Variants in WDR55 observed in about 807,000 individuals in gnomAD.
The protein encoded by WDR55 is WD repeat domain 55.
Under a neutral mutation model 34.0 loss-of-function variants are expected in WDR55, and 31 were observed. The ratio of observed to expected loss-of-function variants is 0.91; its 90% CI spans 0.69 to 1.23. The LOEUF is 1.23. WDR55 is among the 50% of genes most tolerant of loss of function. WDR55 has a pLI of 0.00. For missense variants in WDR55, 440 were observed against 494.6 expected (o/e 0.89, Z 1.05); for synonymous variants, 164 against 185.9 (o/e 0.88, Z 0.96).
In WDR55 at chr5:140,665,045, G is replaced by A. The variant is rs772345095; in HGVS notation, c.133G>A (p.Ala45Thr). ...IVLEAPASGLAFHPARDLLAA... is the reference protein window; with the variant it reads ...IVLEAPASGLTFHPARDLLAA... ...GCTGGAAGCTCCGGCTAGTGGGCTG[G>A]CGTTCCATCCGGCCCGTGACCTACT... The change falls in exon 1 of 7, where the codon GCG becomes ACG. Residue 45 changes from alanine (A) to threonine (T), a missense_variant. Coordinates refer to ENST00000358337, the MANE Select transcript of WDR55 (RefSeq NM_017706.5). 5 of 1,613,546 alleles carry A rather than the reference G, an allele frequency of 3.1e-6. No individual in the cohort carries two copies. Among genetic ancestry groups the A allele is most frequent in the Non-Finnish European group, 4.2e-6 (5 of 1,179,616 alleles).
At position 140,668,257 on chromosome 5, in the gene WDR55, G is replaced by C; in HGVS notation, c.215G>C (p.Gly72Ala). 6.2e-7 allele frequency: 1 copy of C among 1,611,398 alleles called. No homozygotes were observed. The highest frequency in any genetic ancestry group is 1.7e-4 in the Middle Eastern group (1 of 6,056). ...AGCTTTTCCTACTCTTGCCAAGAGG[G>C]AGAAACCAAGGAGCTCTGGTCATCA... ...VFVFSYSCQE[G>A]ETKELWSSGH... Residue 72 changes from glycine (G) to alanine (A), a missense_variant, in exon 2 of 7, where the codon GGA (glycine) becomes GCA (alanine). By Grantham distance (60) the Gly-to-Ala change is moderately conservative (BLOSUM62 0). Transcript: ENST00000358337.
chr5:140,671,784 A>T lies in WDR55; in HGVS notation c.*2130A>T. ...AAAATGCAAAGACAAGGGCAGGTCT[A>T]AACCCTGGGCCCAAGCCTCCAGGTG... On this transcript the variant is annotated 3_prime_UTR_variant, in exon 7 of 7. Coordinates refer to ENST00000358337, the MANE Select transcript of WDR55 (RefSeq NM_017706.5). 1 of 1,552,522 alleles carries T rather than the reference A, an allele frequency of 6.4e-7. No homozygotes were observed. The highest frequency in any genetic ancestry group is 8.7e-7 in the Non-Finnish European group (1 of 1,147,244).
Position 140,672,063 on chromosome 5 carries a change from A to T in WDR55, c.*2409A>T. The T allele has an allele frequency of 1.8e-6, 1 of 559,308 alleles. No homozygotes were observed. Among genetic ancestry groups the T allele is most frequent in the Non-Finnish European group, 3.2e-6 (1 of 312,176 alleles). 34.6% of individuals were successfully genotyped at this position (559,308 alleles called of 1,614,324 possible). The stretch of plus-strand genomic sequence containing the variant: ...AGTCAGTCAGTGTGCTAAGTACCGT[A>T]CACCCATTATGTTACTTAATTCTCA... On this transcript the variant is annotated 3_prime_UTR_variant, in exon 7 of 7. Coordinates refer to ENST00000358337, the MANE Select transcript of WDR55 (RefSeq NM_017706.5).
rs1172027293 is a variant in WDR55 at position 140,670,200 on chromosome 5, G to A, written c.*546G>A. On this transcript the variant is annotated 3_prime_UTR_variant, in exon 7 of 7. Coordinates refer to ENST00000358337, the MANE Select transcript of WDR55 (RefSeq NM_017706.5). ...CTGCCACCATGCTTGACTAATTTTT[G>A]TGATTTTTTTTTGGTAGAGACCAGG... is the stretch of plus-strand genomic sequence containing the variant. The A allele has an allele frequency of 6.6e-6, 1 of 152,394 alleles. No individual in the cohort carries two copies. Among genetic ancestry groups the A allele is most frequent in the African/African-American group, 2.5e-5 (1 of 40,624 alleles). The allele number at this position is 152,394 out of a possible 1,614,324, so 9.4% of individuals were successfully genotyped here.
At chr5:140,668,002 C>A in intron 1 of WDR55, 1 of 402,020 alleles carries the variant, frequency 2.5e-6, no homozygotes, top group Non-Finnish European at 4.4e-6. Flanking sequence ...GGTGGGATCA[C>A]AAAGAAATCT....
intron 2 of WDR55, 38 bp downstream of exon 2, chr5:140,668,372 G>T: frequency 6.2e-7 from 1 of 1,614,218 alleles, no homozygotes; most frequent in Non-Finnish European, 8.5e-7. Context: ...TGTGGTGGAA[G>T]GGAGCAGTGA....
Position 140,668,519 on chromosome 5 carries a change from A to T in WDR55, c.380+17A>T, listed in dbSNP as rs747161685. 1 of 1,613,598 alleles carries T rather than the reference A, an allele frequency of 6.2e-7. No homozygotes were observed. Among genetic ancestry groups the T allele is most frequent in the Admixed American group, 1.7e-5 (1 of 60,000 alleles). On this transcript the variant is annotated intron_variant, in intron 3 of 6. Coordinates refer to ENST00000358337, the MANE Select transcript of WDR55 (RefSeq NM_017706.5). ...GGCTCATGGGTAAGGAGAGCAGCCA[A>T]TTCTGTGTATGTGCATGGAGGTGAA...
Position 140,671,158 on chromosome 5 carries a change from A to T in WDR55, c.*1504A>T. The T allele has an allele frequency of 8.8e-7, 1 of 1,140,874 alleles. No homozygotes were observed. Among genetic ancestry groups the T allele is most frequent in the East Asian group, 2.5e-5 (1 of 40,454 alleles). The allele number at this position is 1,140,874 out of a possible 1,614,324, so 70.7% of individuals were successfully genotyped here. A position where few individuals can be genotyped will look rare whatever the true frequency, so the allele number is the denominator to read the frequency against. On this transcript the variant is annotated 3_prime_UTR_variant, in exon 7 of 7. Transcript: ENST00000358337. The stretch of plus-strand genomic sequence containing the variant: ...AGGTGCCATAGGTCCCTGTCCCAGC[A>T]GGGAGGCTGATGGGCCTGGGCCCAT...
In WDR55 at chr5:140,671,876, G is replaced by T; in HGVS notation, c.*2222G>T. 1 of 1,099,314 alleles carries T rather than the reference G, an allele frequency of 9.1e-7. No individual in the cohort carries two copies. The highest frequency in any genetic ancestry group is 1.3e-6 in the Non-Finnish European group (1 of 741,728). The allele number at this position is 1,099,314 out of a possible 1,614,324, so 68.1% of individuals were successfully genotyped here. A position where few individuals can be genotyped will look rare whatever the true frequency, so the allele number is the denominator to read the frequency against. On this transcript the variant is annotated 3_prime_UTR_variant, in exon 7 of 7. Coordinates refer to ENST00000358337, the MANE Select transcript of WDR55 (RefSeq NM_017706.5). Reference sequence around the variant, plus strand: ...TCCCATTTCCTGGTAGTGTGACCATGGGTAAGAAAAGACAATGAAGCCTTC... The same window carrying T: ...TCCCATTTCCTGGTAGTGTGACCATTGGTAAGAAAAGACAATGAAGCCTTC...
intron 1 of WDR55, among the ~76,000 whole-genome samples, chr5:140,665,581 G>C (rs902309708): frequency 4.6e-5 from 7 of 151,848 alleles, no homozygotes; most frequent in Non-Finnish European, 8.8e-5. Context: ...GGCTGGTCTT[G>C]AACTCCTGAC....
At chr5:140,668,136 TTAGG>T (rs1757966153) in intron 1 of WDR55, 94 bp from the exon 2 acceptor site, 6 of 1,380,610 alleles carry the variant, frequency 4.3e-6, no homozygotes, top group Non-Finnish European at 5.8e-6. Context: ...GCAGGAACTC[TTAGG>T]TAGGTGGGAA....
rs781567299 is a variant in WDR55 at position 140,669,616 on chromosome 5, C to G, written c.1114C>G (p.Gln372Glu). 3.7e-6 allele frequency: 6 copies of G among 1,613,900 alleles called. No homozygotes were observed. The East Asian group carries it at 1.3e-4, about 36-fold the overall frequency. ...LREEGEDSMA[Q>E]EEKEETGDDS... is the part of the protein sequence containing the mutation. Reference sequence around the variant, plus strand: ...GGAAGAGGGAGAAGACTCCATGGCTCAGGAAGAAAAGGAGGAGACTGGGGA... The same window carrying G: ...GGAAGAGGGAGAAGACTCCATGGCTGAGGAAGAAAAGGAGGAGACTGGGGA... Residue 372 changes from glutamine (Q) to glutamate (E), a missense_variant, in exon 7 of 7, where the codon CAG becomes GAG. By Grantham distance (29) the Gln-to-Glu change is conservative. Coordinates refer to ENST00000358337, the MANE Select transcript of WDR55 (RefSeq NM_017706.5).
In WDR55 at chr5:140,671,356, A is replaced by G. The variant is rs1210829367; in HGVS notation, c.*1702A>G. The G allele has an allele frequency of 6.2e-7, 1 of 1,612,732 alleles. No individual in the cohort carries two copies. The highest frequency in any genetic ancestry group is 1.3e-5 in the African/African-American group (1 of 74,934). ...ACCACAGGAGGTTGGCCCCAGACTC[A>G]CTGAGTGCCTGCAGCAGCCGTACAG... is the stretch of plus-strand genomic sequence containing the variant. On this transcript the variant is annotated 3_prime_UTR_variant, in exon 7 of 7. Coordinates refer to ENST00000358337, the MANE Select transcript of WDR55 (RefSeq NM_017706.5).
Position 140,669,467 on chromosome 5 carries a change from G to A in WDR55, c.965G>A (p.Trp322Ter). 6.2e-7 allele frequency: 1 copy of A among 1,614,122 alleles called. No homozygotes were observed. The highest frequency in any genetic ancestry group is 1.3e-5 in the African/African-American group (1 of 75,052). ...SSGHDQRLKF[W>*]DMAQLRAVVV... ...GGCCATGACCAGCGCCTCAAGTTTT[G>A]GGACATGGCCCAGCTGCGAGCTGTG... is the stretch of plus-strand genomic sequence containing the variant. Residue 322 changes from tryptophan (W) to a stop codon, truncating the protein, a stop_gained, in exon 7 of 7, where the codon TGG becomes TAG. Coordinates refer to ENST00000358337, the MANE Select transcript of WDR55 (RefSeq NM_017706.5). LOFTEE classifies it high-confidence loss of function.
chr5:140,668,607 T>A lies in WDR55; in HGVS notation c.381-5T>A. 6.2e-7 allele frequency: 1 copy of A among 1,603,098 alleles called. No homozygotes were observed. The highest frequency in any genetic ancestry group is 8.5e-7 in the Non-Finnish European group (1 of 1,174,052). On this transcript the variant is annotated splice_polypyrimidine_tract_variant and splice_region_variant and intron_variant, in intron 3 of 6. Transcript: ENST00000358337. ...CTCCAAGAAGTTCTACATCTGTGTCTCTAGTGCCCCCATCAATAGTCTTCT... is the reference window on the plus strand; with the variant it reads ...CTCCAAGAAGTTCTACATCTGTGTCACTAGTGCCCCCATCAATAGTCTTCT...
rs1345635861 is a variant in WDR55, at chr5:140,664,963, G to A, written c.51G>A (p.Glu17=). The A allele has an allele frequency of 6.2e-7, 1 of 1,613,038 alleles. No individual in the cohort carries two copies. The change falls in exon 1 of 7, where the codon GAG becomes GAA. Residue 17 remains glutamate, a synonymous_variant. Coordinates refer to ENST00000358337, the MANE Select transcript of WDR55 (RefSeq NM_017706.5). ...ERPAEDGSDE[E]DPDSMEAPTR... is the part of the protein sequence containing the mutation. ...CCGCTGAGGATGGGAGCGACGAGGA[G>A]GACCCAGACTCCATGGAAGCCCCAA...
Position 140,669,510 on chromosome 5 carries a change from T to C in WDR55, c.1008T>C (p.Arg336=). Residue 336 remains arginine (R), a synonymous_variant, in exon 7 of 7, where the codon CGT becomes CGC. Coordinates refer to ENST00000358337, the MANE Select transcript of WDR55 (RefSeq NM_017706.5). The part of the protein sequence containing the change: ...QLRAVVVDDY[R]RRKKKGGPLR... ...GAGCTGTGGTGGTGGATGACTACCG[T>C]CGGCGCAAAAAAAAGGGAGGACCAC... 1.2e-6 allele frequency: 2 copies of C among 1,613,762 alleles called. No individual in the cohort carries two copies. Among genetic ancestry groups the C allele is most frequent in the South Asian group, 2.2e-5 (2 of 91,074 alleles).
chr5:140,666,846 C>T (rs968744638), intron 1 of WDR55: 66 of 984,862 alleles, frequency 6.7e-5, no homozygotes, highest in Non-Finnish European at 7.4e-5. Flanking sequence ...CGGTTTTGTT[C>T]TCTATTTTAT....
Position 140,669,828 on chromosome 5 carries a change from A to C in WDR55, c.*174A>C, listed in dbSNP as rs1010027062. 4.8e-5 allele frequency: 32 copies of C among 664,184 alleles called. No homozygotes were observed. The highest frequency in any genetic ancestry group is 6.9e-5 in the Non-Finnish European group (27 of 392,250). The allele number at this position is 664,184 out of a possible 1,614,324, so 41.1% of individuals were successfully genotyped here. ...CTGCAGCCTCAATGTCCCCAGGCTC[A>C]GATTGTCCTTCCACCTTAGCCTCTG... is the stretch of plus-strand genomic sequence containing the variant. On this transcript the variant is annotated 3_prime_UTR_variant, in exon 7 of 7. Transcript: ENST00000358337.
Sources: gnomAD v4.1 joint callset for allele counts (sites outside exome capture counted in the v4.1 genomes callset) on GRCh38, gnomAD v4.1.1 for gene constraint, MANE v1.5 for transcripts, NCBI Gene and HGNC (gene_info 2026-07-23, HGNC 2026-07-21) for gene names.